SIRPD: variants seen among roughly 807,000 people sequenced by gnomAD.
SIRPD encodes the protein signal regulatory protein delta.
In SIRPD, 21 loss-of-function variants were observed where a neutral mutation model predicts 18.0. The ratio of observed to expected loss-of-function variants is 1.17; its 90% CI spans 0.83 to 1.68. The LOEUF (loss-of-function observed/expected upper bound fraction) is 1.68. SIRPD is among the 40% of genes most tolerant of loss of function. The probability of loss-of-function intolerance (pLI) is 0.00; values close to 1 mark genes in which losing one functional copy is unlikely to be tolerated. For missense variants in SIRPD, 295 were observed against 238.4 expected (o/e 1.24, Z -1.56); for synonymous variants, 106 against 92.9 (o/e 1.14, Z -0.81).
intron 2 of SIRPD, among the ~76,000 whole-genome samples, chr20:1,548,683 T>C (rs1198622453): frequency 1.3e-5 from 2 of 152,152 alleles, no homozygotes; most frequent in African/African-American, 4.8e-5. Context: ...TTGGGCCAGT[T>C]TTGGTAATTT....
chr20:1,552,739 C>T (rs2091025111), intron 1 of SIRPD, among the ~76,000 whole-genome samples: 1 of 152,100 alleles, frequency 6.6e-6, no homozygotes, highest in Admixed American at 6.6e-5. Flanking sequence ...ATAATCTCTC[C>T]TATTAAGCTT....
intron 2 of SIRPD, among the ~76,000 whole-genome samples, chr20:1,546,528 G>A (rs2090994312): frequency 6.6e-6 from 1 of 152,160 alleles, no homozygotes; most frequent in Non-Finnish European, 1.5e-5. Context: ...CTTTCAGATA[G>A]TGTGAATGCT....
Position 1,551,983 on chromosome 20 carries a change from A to C in SIRPD, c.129T>G (p.Thr43=), listed in dbSNP as rs1342228396. ...TGCAACTCAAGATGATTGACTCCCC[A>C]GTTGATACAGTCTGTGACATCTCCG... The part of the protein sequence containing the change: ...QQTEMSQTVS[T]GESIILSCSV... The change falls in exon 2 of 4, where the codon ACT becomes ACG. Residue 43 remains threonine (T), a synonymous_variant. Coordinates refer to ENST00000381623, the MANE Select transcript of SIRPD (RefSeq NM_178460.3). 1 of 1,614,002 alleles carries C rather than the reference A, an allele frequency of 6.2e-7. No homozygotes were observed. The highest frequency in any genetic ancestry group is 2.2e-5 in the East Asian group (1 of 44,898).
At chr20:1,534,802 T>G (rs145734645) in intron 3 of SIRPD, among the ~76,000 whole-genome samples, 3 of 152,350 alleles carry the variant, frequency 2.0e-5, no homozygotes, top group Non-Finnish European at 4.4e-5. Flanking sequence ...TGAGATAATA[T>G]ATTACTGATA....
At position 1,557,662 on chromosome 20, in the gene SIRPD, A is replaced by G; in HGVS notation, c.-9T>C. The G allele has an allele frequency of 6.2e-7, 1 of 1,610,900 alleles. No individual in the cohort carries two copies. The highest frequency in any genetic ancestry group is 8.5e-7 in the Non-Finnish European group (1 of 1,178,550). ...GAGGCAGGGATGGGCATTGTGGTGAAACCTGGAGCTTGCTCTGCCTGAATG... is the reference window on the plus strand; with the variant it reads ...GAGGCAGGGATGGGCATTGTGGTGAGACCTGGAGCTTGCTCTGCCTGAATG... On this transcript the variant is annotated 5_prime_UTR_variant, in exon 1 of 4. Transcript: ENST00000381623.
chr20:1,550,074 G>C (rs1348549955), intron 2 of SIRPD, among the ~76,000 whole-genome samples: 1 of 152,136 alleles, frequency 6.6e-6, no homozygotes, highest in Non-Finnish European at 1.5e-5. Flanking sequence ...AGGAGGCAAA[G>C]CCATAAACCC....
rs1722837836 is a variant in SIRPD, at chr20:1,544,976, A to G, written c.421+6715T>C. 2.0e-5 allele frequency among the ~76,000 whole-genome samples: 3 copies of G among 152,188 alleles called. No individual in the cohort carries two copies. The South Asian group carries it at 6.2e-4, about 32-fold the overall frequency. On this transcript the variant is annotated intron_variant, in intron 2 of 3. Transcript: ENST00000381623. ...CTTCTGGCTTGTACGGTTTCTGAAG[A>G]GAGATCTGCTGTTAGTCTGATGGGC... is the stretch of plus-strand genomic sequence containing the variant.
At chr20:1,546,960 G>A (rs544545978) in intron 2 of SIRPD, among the ~76,000 whole-genome samples, 2 of 152,250 alleles carry the variant, frequency 1.3e-5, no homozygotes, top group South Asian at 4.1e-4. Flanking sequence ...TTCCCATTCT[G>A]TGGGTTATCT....
chr20:1,537,862 G>A (rs144956698), intron 2 of SIRPD, among the ~76,000 whole-genome samples: 334 of 152,238 alleles, frequency 2.2e-3, no homozygotes, highest in African/African-American at 7.8e-3. Flanking sequence ...AGAGAAAAGG[G>A]GAAGAAGCCT....
In SIRPD at chr20:1,557,650, G is replaced by A. The variant is rs748546472; in HGVS notation, c.4C>T (p.Pro2Ser). 2.5e-6 allele frequency: 4 copies of A among 1,611,406 alleles called. No individual in the cohort carries two copies. Among genetic ancestry groups the A allele is most frequent in the Admixed American group, 3.4e-5 (2 of 59,614 alleles). MPIPASPLHPPL... is the reference protein window; with the variant it reads MSIPASPLHPPL... The stretch of plus-strand genomic sequence containing the variant: ...GGGTGGAGTGGGGAGGCAGGGATGG[G>A]CATTGTGGTGAAACCTGGAGCTTGC... The change falls in exon 1 of 4, where the codon CCC (proline) becomes TCC (serine). Residue 2 changes from proline (P) to serine (S), a missense_variant. Transcript: ENST00000381623.
intron 2 of SIRPD, among the ~76,000 whole-genome samples, chr20:1,538,975 G>A (rs1206553678): frequency 1.3e-5 from 2 of 152,144 alleles, no homozygotes; most frequent in Non-Finnish European, 2.9e-5. Flanking sequence ...TGCAGCAGTA[G>A]TAACTAGACA....
chr20:1,537,210 G>C lies in SIRPD; in HGVS notation c.522C>G (p.Asn174Lys). Residue 174 changes from asparagine (N) to lysine (K), a missense_variant, in exon 3 of 4, where the codon AAC (asparagine) becomes AAG (lysine). By Grantham distance (94) the Asn-to-Lys change is moderately conservative (BLOSUM62 0). Coordinates refer to ENST00000381623, the MANE Select transcript of SIRPD (RefSeq NM_178460.3). ...AGGGTTGGACGAAATAGTTTGTGCT[G>C]TTTCTCTCAGGCAGGGCCGAGAGGC... ...HTCLSALPER[N>K]STNYFVQPCC... 1.2e-6 allele frequency: 2 copies of C among 1,614,128 alleles called. No individual in the cohort carries two copies. The highest frequency in any genetic ancestry group is 1.1e-5 in the South Asian group (1 of 91,074).
rs536833347 is a variant in SIRPD at position 1,556,239 on chromosome 20, ACAGTCTGTGTACCT to A, written c.73+1328_73+1341del. ...GGGTGGGATAGTTGGGAGTCACCTT[ACAGTCTGTGTACCT>A]CACCCAATAAGTACAGTTAAAAATT... On this transcript the variant is annotated intron_variant, in intron 1 of 3. Transcript: ENST00000381623. 1.1e-3 allele frequency among the ~76,000 whole-genome samples: 167 copies of A among 152,346 alleles called. No homozygotes were observed. In the Middle Eastern group the frequency reaches 0.024, roughly 22 times the overall value.
chr20:1,547,102 C>T (rs1304651104), intron 2 of SIRPD, among the ~76,000 whole-genome samples: 1 of 152,146 alleles, frequency 6.6e-6, no homozygotes, highest in Non-Finnish European at 1.5e-5. Flanking sequence ...AATCTGATGT[C>T]ATTAAGATTT....
At chr20:1,555,632 G>A (rs1600075435) in intron 1 of SIRPD, among the ~76,000 whole-genome samples, 1 of 152,018 alleles carries the variant, frequency 6.6e-6, no homozygotes, top group Non-Finnish European at 1.5e-5. Context: ...TTAAAACCAA[G>A]ATAAAATTTA....
chr20:1,549,219 A>G (rs2091007325), intron 2 of SIRPD, among the ~76,000 whole-genome samples: 1 of 152,078 alleles, frequency 6.6e-6, no homozygotes, highest in South Asian at 2.1e-4. Flanking sequence ...GATATCTTCT[A>G]TTTGATGCAA....
intron 2 of SIRPD, among the ~76,000 whole-genome samples, chr20:1,547,870 A>G (rs1786082794): frequency 1.3e-5 from 2 of 152,076 alleles, no homozygotes. Context: ...TGTTAAATTT[A>G]TTTTTATTTT....
chr20:1,545,176 G>T (rs1407880704), intron 2 of SIRPD, among the ~76,000 whole-genome samples: 7 of 152,068 alleles, frequency 4.6e-5, no homozygotes, highest in Non-Finnish European at 1.0e-4. Flanking sequence ...TCTAAGTTGG[G>T]GAAGTTCTCC....
intron 2 of SIRPD, among the ~76,000 whole-genome samples, chr20:1,546,061 G>A (rs2090992465): frequency 1.3e-5 from 2 of 152,328 alleles, no homozygotes; most frequent in South Asian, 4.1e-4. Context: ...GTCGACCCCT[G>A]CTGGGAGGTG....
Sources: gnomAD v4.1 joint callset for allele counts (sites outside exome capture counted in the v4.1 genomes callset) on GRCh38, gnomAD v4.1.1 for gene constraint, MANE v1.5 for transcripts, NCBI Gene and HGNC (gene_info 2026-07-23, HGNC 2026-07-21) for gene names.